AXDND1: variants seen among roughly 807,000 people sequenced by gnomAD.
AXDND1 encodes axonemal dynein light chain domain-containing protein 1.
AXDND1 carries 110 observed loss-of-function variants against 137.5 expected under a neutral mutation model. That is an observed-to-expected ratio of 0.80 (90% confidence interval 0.69 to 0.94). The LOEUF (loss-of-function observed/expected upper bound fraction) is 0.94. Ranked by LOEUF, AXDND1 falls within the 40% of genes least tolerant of loss-of-function variation. The pLI, the probability that AXDND1 is intolerant of heterozygous loss-of-function variation, is 0.00. For missense variants in AXDND1, 1,191 were observed against 1,169.8 expected (o/e 1.02, Z -0.26); for synonymous variants, 414 against 399.7 (o/e 1.04, Z -0.43).
intron 25 of AXDND1, among the ~76,000 whole-genome samples, chr1:179,536,095 G>A (rs570378955): frequency 1.3e-5 from 2 of 152,118 alleles, no homozygotes; most frequent in East Asian, 1.9e-4. Context: ...TAAATTTGTT[G>A]AAGTTCTTTG....
chr1:179,478,062 G>A (rs1271591222), intron 17 of AXDND1, among the ~76,000 whole-genome samples: 1 of 152,202 alleles, frequency 6.6e-6, no homozygotes, highest in Non-Finnish European at 1.5e-5. Flanking sequence ...GGTTCTCATG[G>A]TCTTGGGCAG....
At chr1:179,390,162 T>G (rs1268798740) in intron 9 of AXDND1, among the ~76,000 whole-genome samples, 3 of 152,068 alleles carry the variant, frequency 2.0e-5, no homozygotes, top group Non-Finnish European at 2.9e-5. Flanking sequence ...TATAGGCATG[T>G]GCCACTATGC....
intron 20 of AXDND1, among the ~76,000 whole-genome samples, chr1:179,494,440 G>T (rs1667245472): frequency 6.6e-6 from 1 of 150,930 alleles, no homozygotes; most frequent in African/African-American, 2.4e-5. Flanking sequence ...TGATTTGTTT[G>T]TTTCCTTATT....
chr1:179,519,325 T>C (rs1669842748), intron 21 of AXDND1, among the ~76,000 whole-genome samples: 1 of 152,178 alleles, frequency 6.6e-6, no homozygotes, highest in African/African-American at 2.4e-5. Flanking sequence ...TTTCTCCCAT[T>C]CTGTAGGTTG....
chr1:179,422,351 A>G (rs564303136), intron 12 of AXDND1, among the ~76,000 whole-genome samples: 18 of 149,106 alleles, frequency 1.2e-4, no homozygotes, highest in African/African-American at 3.9e-4. Context: ...ATTTATTTCA[A>G]GATGATTTTT....
chr1:179,537,663 TTG>T (rs2125716205), intron 25 of AXDND1, among the ~76,000 whole-genome samples: 1 of 152,334 alleles, frequency 6.6e-6, no homozygotes, highest in African/African-American at 2.4e-5. Context: ...TCTTTTTTTA[TTG>T]TGTCTCTGCC....
intron 25 of AXDND1, 186 bp downstream of exon 25, chr1:179,535,148 C>A: frequency 1.3e-6 from 1 of 784,184 alleles, no homozygotes; most frequent in Non-Finnish European, 2.0e-6. Context: ...AAAAGGAAAA[C>A]CAAATGAATA....
chr1:179,532,605 C>T (rs1671134733), intron 23 of AXDND1, among the ~76,000 whole-genome samples: 1 of 152,044 alleles, frequency 6.6e-6, no homozygotes, highest in African/African-American at 2.4e-5. Context: ...AGAAGTTGGC[C>T]AAGTGTGGTG....
intron 21 of AXDND1, among the ~76,000 whole-genome samples, chr1:179,517,840 G>T (rs139981701): frequency 3.3e-5 from 5 of 152,304 alleles, no homozygotes; most frequent in African/African-American, 1.2e-4. Context: ...TGCCTTCGGA[G>T]GGTCTTTGGG....
At chr1:179,493,265 CT>C (rs1003434228) in intron 20 of AXDND1, among the ~76,000 whole-genome samples, 18 of 152,010 alleles carry the variant, frequency 1.2e-4, no homozygotes, top group South Asian at 6.2e-4. Context: ...AAAGAATATA[CT>C]TTTTTTTCTC....
Position 179,395,104 on chromosome 1 carries a change from G to A in AXDND1, c.1011G>A (p.Leu337=). Residue 337 remains leucine, a synonymous_variant, in exon 11 of 26, where the codon CTG becomes CTA. Transcript: ENST00000367618. ...KHVIEELTRE[L]CLVRAHDVKL... ...TTTCTTTGCTTTATTTCAGGGAACT[G>A]TGTCTAGTTCGGGCACATGATGTGA... 1 of 1,607,240 alleles carries A rather than the reference G, an allele frequency of 6.2e-7. No homozygotes were observed. Among genetic ancestry groups the A allele is most frequent in the African/African-American group, 1.3e-5 (1 of 74,604 alleles).
intron 4 of AXDND1, among the ~76,000 whole-genome samples, chr1:179,377,007 C>T (rs1348110421): frequency 6.6e-6 from 1 of 152,192 alleles, no homozygotes; most frequent in Non-Finnish European, 1.5e-5. Flanking sequence ...TCTCAGCTCA[C>T]TGCAACCTTT....
intron 18 of AXDND1, among the ~76,000 whole-genome samples, chr1:179,485,190 C>T (rs554711005): frequency 1.1e-4 from 16 of 152,320 alleles, no homozygotes; most frequent in Middle Eastern, 6.8e-3. Context: ...CTGATGAGCA[C>T]GCACCCTGCT....
intron 11 of AXDND1, among the ~76,000 whole-genome samples, chr1:179,396,446 G>A (rs1212868882): frequency 1.3e-5 from 2 of 152,002 alleles, no homozygotes; most frequent in Non-Finnish European, 2.9e-5. Context: ...TCAGGAGATC[G>A]AGACCATCCT....
chr1:179,367,821 T>C (rs1340629641), intron 2 of AXDND1, among the ~76,000 whole-genome samples: 1 of 152,256 alleles, frequency 6.6e-6, no homozygotes, highest in Non-Finnish European at 1.5e-5. Context: ...TATTAGCTTT[T>C]AGTAATTTTT....
chr1:179,545,199 T>G (rs577290517), intron 25 of AXDND1: 1 of 152,184 alleles, frequency 6.6e-6, no homozygotes, highest in Non-Finnish European at 1.5e-5. Context: ...TGCTCTTATC[T>G]CTGAACACCT....
intron 23 of AXDND1, among the ~76,000 whole-genome samples, chr1:179,530,963 C>T (rs1011594809): frequency 8.5e-5 from 13 of 152,172 alleles, no homozygotes; most frequent in African/African-American, 2.9e-4. Context: ...AAGCTGGCCA[C>T]ACCACGTAGG....
At chr1:179,420,821 A>T (rs898243808) in intron 12 of AXDND1, among the ~76,000 whole-genome samples, 1 of 151,896 alleles carries the variant, frequency 6.6e-6, no homozygotes, top group Non-Finnish European at 1.5e-5. Flanking sequence ...CGGTTTCACC[A>T]TGTTGGCCAG....
intron 17 of AXDND1, among the ~76,000 whole-genome samples, chr1:179,472,221 A>G (rs1664037373): frequency 6.6e-6 from 1 of 152,098 alleles, no homozygotes; most frequent in African/African-American, 2.4e-5. Context: ...TTAATCTCAA[A>G]GTATTTTTAT....
Sources: gnomAD v4.1 joint callset for allele counts (sites outside exome capture counted in the v4.1 genomes callset) on GRCh38, gnomAD v4.1.1 for gene constraint, MANE v1.5 for transcripts, NCBI Gene and HGNC (gene_info 2026-07-23, HGNC 2026-07-21) for gene names.